Variants in NLGN1 observed in about 807,000 individuals in gnomAD.
NLGN1 encodes the protein neuroligin-1.
A neutral mutation model predicts 65.5 loss-of-function variants in NLGN1; 12 were observed. The observed-to-expected ratio is 0.18, with a 90% CI of 0.12 to 0.30. NLGN1 has a LOEUF of 0.30. Ranked by LOEUF, NLGN1 falls within the 10% of genes least tolerant of loss-of-function variation. NLGN1 has a pLI of 1.00. For synonymous variants in NLGN1, 350 were observed against 359.5 expected, an observed-to-expected ratio of 0.97 and a Z score of 0.30; for missense variants, 750 against 1,007.1, an observed-to-expected ratio of 0.74 and a Z score of 3.46.
At chr3:174,005,696 ACTT>A (rs1724219832) in intron 4 of NLGN1, among the ~76,000 whole-genome samples, 2 of 150,446 alleles carry the variant, frequency 1.3e-5, no homozygotes, top group African/African-American at 4.9e-5. Flanking sequence ...CCTTAATTGA[ACTT>A]TTTTTTTTTT....
chr3:174,062,701 C>T (rs1477172095), intron 4 of NLGN1, among the ~76,000 whole-genome samples: 2 of 151,762 alleles, frequency 1.3e-5, no homozygotes, highest in Non-Finnish European at 2.9e-5. Flanking sequence ...ATTTTTTTCT[C>T]TAAAATGAAA....
At chr3:173,659,055 G>A (rs1760511084) in intron 3 of NLGN1, among the ~76,000 whole-genome samples, 1 of 151,936 alleles carries the variant, frequency 6.6e-6, no homozygotes, top group Admixed American at 6.6e-5. Context: ...TTGAAGCCTT[G>A]CATTATCTCA....
At chr3:173,902,127 T>A (rs1014479720) in intron 4 of NLGN1, among the ~76,000 whole-genome samples, 1 of 152,072 alleles carries the variant, frequency 6.6e-6, no homozygotes, top group Non-Finnish European at 1.5e-5. Context: ...TTGAAGAAAA[T>A]TTAGTTTCCC....
chr3:173,863,905 A>T (rs1318912997), intron 4 of NLGN1, among the ~76,000 whole-genome samples: 1 of 152,224 alleles, frequency 6.6e-6, no homozygotes, highest in African/African-American at 2.4e-5. Flanking sequence ...AGAAAAAGTG[A>T]TCAATCTATT....
intron 4 of NLGN1, among the ~76,000 whole-genome samples, chr3:173,907,473 G>A (rs1206346416): frequency 1.3e-5 from 2 of 151,928 alleles, no homozygotes; most frequent in Non-Finnish European, 2.9e-5. Flanking sequence ...TTCTGTAGTA[G>A]AGCTGAGTCC....
chr3:174,140,700 G>A (rs1209648497), intron 4 of NLGN1, among the ~76,000 whole-genome samples: 1 of 151,956 alleles, frequency 6.6e-6, no homozygotes, highest in East Asian at 1.9e-4. Flanking sequence ...AATTGCTCTT[G>A]GTTGACAATA....
intron 4 of NLGN1, among the ~76,000 whole-genome samples, chr3:174,082,790 G>A (rs192812024): frequency 0.018 from 2,765 of 151,632 alleles, 83 homozygotes; most frequent in African/African-American, 0.063. Flanking sequence ...GTGCAGTCTC[G>A]GCTCACCACA....
intron 3 of NLGN1, among the ~76,000 whole-genome samples, chr3:173,744,593 T>C (rs909509316): frequency 6.6e-6 from 1 of 152,102 alleles, no homozygotes; most frequent in Non-Finnish European, 1.5e-5. Context: ...GAGAGATAAG[T>C]AGGAGTTAAA....
intron 3 of NLGN1, among the ~76,000 whole-genome samples, chr3:173,774,261 A>T (rs983655978): frequency 6.6e-6 from 1 of 152,244 alleles, no homozygotes; most frequent in Admixed American, 6.5e-5. Context: ...TCAGTGGCTC[A>T]TACAGGTTCT....
chr3:173,797,471 G>T (rs532872905), intron 3 of NLGN1, among the ~76,000 whole-genome samples: 1 of 151,950 alleles, frequency 6.6e-6, no homozygotes, highest in Non-Finnish European at 1.5e-5. Flanking sequence ...AGTGTATTGG[G>T]ATAACTGGAC....
At chr3:173,544,274 G>GTA (rs1178209996) in intron 2 of NLGN1, among the ~76,000 whole-genome samples, 54 of 149,248 alleles carry the variant, frequency 3.6e-4, no homozygotes, top group African/African-American at 1.2e-3. Context: ...GTGTGTGTGT[G>GTA]TGTGTGTGTG....
At chr3:173,585,567 C>T (rs1747274211) in intron 2 of NLGN1, among the ~76,000 whole-genome samples, 1 of 152,132 alleles carries the variant, frequency 6.6e-6, no homozygotes, top group South Asian at 2.1e-4. Context: ...CGGATAGAGA[C>T]AGTAGAAGTG....
chr3:173,863,814 C>T (rs544773880), intron 4 of NLGN1, among the ~76,000 whole-genome samples: 1 of 152,262 alleles, frequency 6.6e-6, no homozygotes, highest in African/African-American at 2.4e-5. Flanking sequence ...TAATACAGAA[C>T]CCTATAGAGT....
intron 2 of NLGN1, among the ~76,000 whole-genome samples, chr3:173,589,984 G>C (rs551072018): frequency 6.6e-6 from 1 of 152,228 alleles, no homozygotes; most frequent in South Asian, 2.1e-4. Context: ...GTAATATTGA[G>C]TTGATAAAAT....
intron 2 of NLGN1, among the ~76,000 whole-genome samples, chr3:173,539,743 T>TGC (rs1371405085): frequency 7.0e-6 from 1 of 142,562 alleles, no homozygotes; most frequent in African/African-American, 2.6e-5. Flanking sequence ...TACATATATG[T>TGC]ACATATATAA....
chr3:173,818,194 C>A (rs1719433365), intron 4 of NLGN1, among the ~76,000 whole-genome samples: 1 of 152,164 alleles, frequency 6.6e-6, no homozygotes. Context: ...AGCCTCAATC[C>A]TTCCTCTCTG....
intron 3 of NLGN1, among the ~76,000 whole-genome samples, chr3:173,787,453 A>G (rs1782163648): frequency 6.6e-6 from 1 of 152,198 alleles, no homozygotes; most frequent in Non-Finnish European, 1.5e-5. Flanking sequence ...ATATTGGTAA[A>G]GATATTTTTC....
At chr3:173,606,795 A>G (rs1050042312) in intron 3 of NLGN1, among the ~76,000 whole-genome samples, 4 of 152,004 alleles carry the variant, frequency 2.6e-5, no homozygotes, top group Admixed American at 6.6e-5. Flanking sequence ...GAATTGGGTT[A>G]AAAGCACACT....
intron 4 of NLGN1, among the ~76,000 whole-genome samples, chr3:173,979,331 A>G (rs1158249428): frequency 1.3e-5 from 2 of 152,158 alleles, no homozygotes; most frequent in Non-Finnish European, 2.9e-5. Context: ...AAAGGATGAT[A>G]GGAATAATCC....
Sources: allele counts gnomAD v4.1 joint callset (sites outside exome capture counted in the v4.1 genomes callset), GRCh38; gene constraint gnomAD v4.1.1; transcripts MANE v1.5; gene names NCBI Gene and HGNC (gene_info 2026-07-23, HGNC 2026-07-21).